PPFIA1: variants seen among roughly 807,000 people sequenced by gnomAD.
PPFIA1 encodes PPFI scaffold protein A1, also known as liprin-alpha-1.
A neutral mutation model predicts 149.9 loss-of-function variants in PPFIA1; 25 were observed. The observed-to-expected ratio is 0.17, with a 90% CI of 0.12 to 0.23. The LOEUF (loss-of-function observed/expected upper bound fraction) is 0.23. PPFIA1 is among the 10% of genes least tolerant of loss of function. PPFIA1 has a pLI of 1.00. For missense variants in PPFIA1, 1,362 were observed against 1,506.5 expected (o/e 0.90, Z 1.59); for synonymous variants, 549 against 552.8 (o/e 0.99, Z 0.10).
intron 19 of PPFIA1, among the ~76,000 whole-genome samples, chr11:70,361,617 AT>A (rs750170044): frequency 0.047 from 6,523 of 140,008 alleles, 445 homozygotes; most frequent in African/African-American, 0.15. Context: ...GCTGGTTGTA[AT>A]TTTTTTTTTT....
rs529170414 is a variant in PPFIA1, at chr11:70,350,987, C to A, written c.2163+2567C>A. Reference sequence around the variant, plus strand: ...TTTCTCTTCATTTCTTTGCATGCATCTATCAGCCTAGTGATTTAAGGAAAC... The same window carrying A: ...TTTCTCTTCATTTCTTTGCATGCATATATCAGCCTAGTGATTTAAGGAAAC... On this transcript the variant is annotated intron_variant, in intron 16 of 27. Transcript: ENST00000253925. The A allele has an allele frequency of 8.4e-5, 105 of 1,254,590 alleles. 1 individual carries two copies. The East Asian group carries it at 1.7e-3, about 20-fold the overall frequency. The allele number at this position is 1,254,590 out of a possible 1,614,324, so 77.7% of individuals were successfully genotyped here.
intron 2 of PPFIA1, among the ~76,000 whole-genome samples, chr11:70,320,914 A>C (rs1290781859): frequency 6.6e-6 from 1 of 152,120 alleles, no homozygotes. Flanking sequence ...TGACATAACC[A>C]CGCAACAGAA....
At chr11:70,275,805 A>G (rs1230012750) in intron 2 of PPFIA1, among the ~76,000 whole-genome samples, 1 of 152,150 alleles carries the variant, frequency 6.6e-6, no homozygotes, top group Non-Finnish European at 1.5e-5. Flanking sequence ...TCCCATAGAT[A>G]TAGTCTGTCT....
chr11:70,373,269 C>T (rs906606337), intron 23 of PPFIA1: 1 of 152,448 alleles, frequency 6.6e-6, no homozygotes, highest in African/African-American at 2.4e-5. Context: ...GTAGCCCAGG[C>T]TAGGCTGGAG....
At chr11:70,343,930 G>T in intron 15 of PPFIA1, 38 bp downstream of exon 15, 1 of 1,539,534 alleles carries the variant, frequency 6.5e-7, no homozygotes, top group Non-Finnish European at 8.9e-7. Flanking sequence ...CACACGCATG[G>T]GTGTCTCTGA....
intron 19 of PPFIA1, among the ~76,000 whole-genome samples, chr11:70,361,650 C>T (rs1290736962): frequency 6.6e-5 from 10 of 150,830 alleles, no homozygotes; most frequent in African/African-American, 2.4e-4. Flanking sequence ...GGGTCTCACT[C>T]TGTTGCCTAG....
At chr11:70,320,575 C>T (rs2053878694) in intron 2 of PPFIA1, among the ~76,000 whole-genome samples, 2 of 151,814 alleles carry the variant, frequency 1.3e-5, no homozygotes, top group South Asian at 2.1e-4. Context: ...ACTGGGTCTA[C>T]GCATGGTGTG....
At chr11:70,318,669 T>C (rs1433701067) in intron 2 of PPFIA1, among the ~76,000 whole-genome samples, 1 of 152,224 alleles carries the variant, frequency 6.6e-6, no homozygotes, top group African/African-American at 2.4e-5. Flanking sequence ...CTCAGTCCAG[T>C]GAGGGTTTTG....
At chr11:70,326,224 A>G (rs777634542) in intron 5 of PPFIA1, 38 bp from the exon 6 acceptor site, 3 of 1,165,340 alleles carry the variant, frequency 2.6e-6, no homozygotes, top group Admixed American at 4.5e-5. Context: ...TCTCTTATGT[A>G]AGGTATTTTA....
chr11:70,273,524 C>G (rs541611286), intron 2 of PPFIA1, among the ~76,000 whole-genome samples: 1 of 152,130 alleles, frequency 6.6e-6, no homozygotes, highest in East Asian at 1.9e-4. Flanking sequence ...TCAGGTAGAC[C>G]CGCATAAGCA....
intron 16 of PPFIA1, among the ~76,000 whole-genome samples, chr11:70,351,936 C>T (rs564189717): frequency 2.0e-5 from 3 of 152,294 alleles, no homozygotes; most frequent in East Asian, 3.9e-4. Flanking sequence ...TTCCTGTTCT[C>T]GAAGGAAGTA....
chr11:70,326,546 T>A, intron 6 of PPFIA1, 51 bp from the exon 7 acceptor site: 1 of 1,460,726 alleles, frequency 6.8e-7, no homozygotes, highest in Non-Finnish European at 9.4e-7. Context: ...TATTTTTATT[T>A]TATAGCTCAC....
At chr11:70,339,733 G>A (rs1164612890) in intron 14 of PPFIA1, among the ~76,000 whole-genome samples, 1 of 151,968 alleles carries the variant, frequency 6.6e-6, no homozygotes, top group Admixed American at 6.5e-5. Context: ...AAATGAGTAG[G>A]CCAGGTGCAG....
At chr11:70,316,694 G>A (rs917903363) in intron 2 of PPFIA1, among the ~76,000 whole-genome samples, 1 of 152,154 alleles carries the variant, frequency 6.6e-6, no homozygotes, top group Non-Finnish European at 1.5e-5. Context: ...TGAGGGTGGG[G>A]ACCATGAGGC....
In PPFIA1 at chr11:70,325,519, T is replaced by A; in HGVS notation, c.551T>A (p.Val184Glu). 6.3e-7 allele frequency: 1 copy of A among 1,592,286 alleles called. No individual in the cohort carries two copies. Among genetic ancestry groups the A allele is most frequent in the Non-Finnish European group, 8.6e-7 (1 of 1,160,704 alleles). Residue 184 changes from valine (V) to glutamate (E), a missense_variant, in exon 5 of 28, where the codon GTA (valine) becomes GAA (glutamate). Physicochemically the swap from Val to Glu is moderately radical, Grantham distance 121. Coordinates refer to ENST00000253925, the MANE Select transcript of PPFIA1 (RefSeq NM_003626.5). ...LDEKVRERLR[V>E]ALERCSLLEE... Reference sequence around the variant, plus strand: ...TTTCAGGTGAGAGAGCGATTACGAGTAGCACTTGAAAGATGTAGTTTGTTA... The same window carrying A: ...TTTCAGGTGAGAGAGCGATTACGAGAAGCACTTGAAAGATGTAGTTTGTTA...
Position 70,270,723 on chromosome 11 carries a change from C to T in PPFIA1, c.-192C>T, listed in dbSNP as rs1005466127. The T allele has an allele frequency of 6.6e-6, 1 of 151,076 alleles. No homozygotes were observed. 9.4% of individuals were successfully genotyped at this position (151,076 alleles called of 1,614,324 possible). A position where few individuals can be genotyped will look rare whatever the true frequency, so the allele number is the denominator to read the frequency against. On this transcript the variant is annotated 5_prime_UTR_variant, in exon 1 of 28. Coordinates refer to ENST00000253925, the MANE Select transcript of PPFIA1 (RefSeq NM_003626.5). ...GCGCCGCGCAGCCGGGCCCGCTCCT[C>T]CTCCGCTCCGCCAGTGTCCGGCCGC...
At chr11:70,280,650 C>T (rs1243930582) in intron 2 of PPFIA1, among the ~76,000 whole-genome samples, 1 of 152,174 alleles carries the variant, frequency 6.6e-6, no homozygotes, top group Non-Finnish European at 1.5e-5. Context: ...TCACTGCAGC[C>T]TCAAACTCCA....
chr11:70,337,514 G>C (rs1489786860), intron 12 of PPFIA1, 87 bp downstream of exon 12: 2 of 1,019,464 alleles, frequency 2.0e-6, no homozygotes, highest in Non-Finnish European at 2.8e-6. Context: ...TGACAGTGGA[G>C]AGCAGCTTGG....
At chr11:70,330,516 G>T (rs2136925677) in intron 8 of PPFIA1, among the ~76,000 whole-genome samples, 197 bp downstream of exon 8, 2 of 152,268 alleles carry the variant, frequency 1.3e-5, no homozygotes, top group Admixed American at 1.3e-4. Context: ...AACCAATTTT[G>T]TCCTCAGTTT....
Sources: gnomAD v4.1 joint callset for allele counts (sites outside exome capture counted in the v4.1 genomes callset) on GRCh38, gnomAD v4.1.1 for gene constraint, MANE v1.5 for transcripts, NCBI Gene and HGNC (gene_info 2026-07-23, HGNC 2026-07-21) for gene names.